RAPGEF2: variants seen among roughly 807,000 people sequenced by gnomAD.
The protein encoded by RAPGEF2 is PDZ domain containing guanine nucleotide exchange factor (GEF) 1.
A neutral mutation model predicts 186.7 loss-of-function variants in RAPGEF2; 54 were observed. The observed-to-expected ratio is 0.29, with a 90% confidence interval of 0.23 to 0.36. RAPGEF2 has a LOEUF of 0.36. RAPGEF2 is among the 10% of genes least tolerant of loss of function. The probability of loss-of-function intolerance (pLI) is 1.00; values close to 1 mark genes in which losing one functional copy is unlikely to be tolerated. For missense variants in RAPGEF2, 1,532 were observed against 2,045.0 expected, an observed-to-expected ratio of 0.75 and a Z score of 4.84; for synonymous variants, 712 against 705.9, an observed-to-expected ratio of 1.01 and a Z score of -0.14.
intron 7 of RAPGEF2, among the ~76,000 whole-genome samples, chr4:159,256,574 T>C (rs1374673448): frequency 6.6e-6 from 1 of 152,226 alleles, no homozygotes; most frequent in East Asian, 1.9e-4. Flanking sequence ...GTAATGGGAT[T>C]GCTGGGTCAA....
chr4:159,199,553 A>T (rs994217211), intron 3 of RAPGEF2, among the ~76,000 whole-genome samples: 1 of 152,152 alleles, frequency 6.6e-6, no homozygotes, highest in Non-Finnish European at 1.5e-5. Flanking sequence ...TCACTTCCTA[A>T]TAAAATGGCT....
chr4:159,280,105 A>G (rs1759488628), intron 7 of RAPGEF2, among the ~76,000 whole-genome samples: 1 of 152,014 alleles, frequency 6.6e-6, no homozygotes, highest in Non-Finnish European at 1.5e-5. Flanking sequence ...TTAGACTTGG[A>G]TTTAGAAAAT....
intron 4 of RAPGEF2, among the ~76,000 whole-genome samples, chr4:159,231,805 C>G (rs1426917530): frequency 6.6e-6 from 1 of 152,104 alleles, no homozygotes; most frequent in Admixed American, 6.6e-5. Flanking sequence ...AATCCAAAAT[C>G]AAAGCACTTC....
chr4:159,357,675 A>G (rs963104578), intron 29 of RAPGEF2, among the ~76,000 whole-genome samples: 4 of 152,224 alleles, frequency 2.6e-5, no homozygotes, highest in Non-Finnish European at 5.9e-5. Context: ...CCTGTCTCAA[A>G]AAAGTTAAAT....
chr4:159,337,528 A>AT (rs953289582), intron 17 of RAPGEF2, among the ~76,000 whole-genome samples: 14 of 151,496 alleles, frequency 9.2e-5, no homozygotes, highest in East Asian at 3.9e-4. Context: ...ACTAGAGCTT[A>AT]TTTTTTTTTA....
intron 1 of RAPGEF2, among the ~76,000 whole-genome samples, chr4:159,164,534 T>C (rs13123795): frequency 0.18 from 27,550 of 151,964 alleles, 2,539 homozygotes; most frequent in Admixed American, 0.24. Context: ...CTTTTGGTGA[T>C]TATTAGATAT....
intron 7 of RAPGEF2, among the ~76,000 whole-genome samples, chr4:159,300,609 C>T (rs1762532904): frequency 6.6e-6 from 1 of 151,664 alleles, no homozygotes; most frequent in Non-Finnish European, 1.5e-5. Flanking sequence ...CAGGTAATTA[C>T]TGTATATTTC....
chr4:159,267,819 C>A (rs1004159391), intron 7 of RAPGEF2: 5 of 895,152 alleles, frequency 5.6e-6, no homozygotes, highest in African/African-American at 2.5e-5. Context: ...CTCTCCTTTT[C>A]TTTTGCCTCT....
intron 28 of RAPGEF2, among the ~76,000 whole-genome samples, chr4:159,354,440 G>T (rs1731657288): frequency 6.6e-6 from 1 of 152,112 alleles, no homozygotes; most frequent in Admixed American, 6.5e-5. Context: ...TTGTTCTCTT[G>T]ATTGTATTTA....
chr4:159,108,394 T>C (rs1411738953), intron 1 of RAPGEF2, among the ~76,000 whole-genome samples: 11 of 150,910 alleles, frequency 7.3e-5, no homozygotes, highest in South Asian at 2.1e-4. Flanking sequence ...TTTTTTTTTT[T>C]TTTTTTTTTT....
rs1160482348 is a variant in RAPGEF2 at position 159,103,252 on chromosome 4, TTCCCCCTCC to T, written c.-907_-899del. On this transcript the variant is annotated 5_prime_UTR_variant, in exon 1 of 30. Transcript: ENST00000691494. Reference sequence around the variant, plus strand: ...AACCCGGGCTGTCCGCGGCCCCCTCTTCCCCCTCCTCCGCCCCGCGCAGACGAGGAACAA... The same window carrying T: ...AACCCGGGCTGTCCGCGGCCCCCTCTTCCGCCCCGCGCAGACGAGGAACAA... The T allele has an allele frequency of 6.6e-6, 1 of 151,820 alleles. No individual in the cohort carries two copies. Among genetic ancestry groups the T allele is most frequent in the African/African-American group, 2.4e-5 (1 of 41,400 alleles). The allele number at this position is 151,820 out of a possible 1,614,324, so 9.4% of individuals were successfully genotyped here. A position where few individuals can be genotyped will look rare whatever the true frequency, so the allele number is the denominator to read the frequency against.
intron 7 of RAPGEF2, among the ~76,000 whole-genome samples, chr4:159,282,251 G>T (rs1047595732): frequency 2.0e-5 from 3 of 152,132 alleles, no homozygotes; most frequent in Non-Finnish European, 2.9e-5. Context: ...ATGATTTTCT[G>T]TTGGACATCT....
intron 1 of RAPGEF2, 70 bp downstream of exon 1, chr4:159,104,301 C>G: frequency 1.3e-6 from 1 of 783,580 alleles, no homozygotes; most frequent in Admixed American, 2.8e-5. Flanking sequence ...CCCTGTCCCC[C>G]CACCTCCTTC....
chr4:159,166,448 T>C (rs764274947), intron 1 of RAPGEF2, among the ~76,000 whole-genome samples: 1 of 152,204 alleles, frequency 6.6e-6, no homozygotes, highest in Non-Finnish European at 1.5e-5. Context: ...ATGTACTGTT[T>C]TGCAGATAAT....
intron 1 of RAPGEF2, among the ~76,000 whole-genome samples, chr4:159,172,180 T>G (rs1745980715): frequency 6.6e-6 from 1 of 152,204 alleles, no homozygotes; most frequent in Non-Finnish European, 1.5e-5. Context: ...TTGGAACCTT[T>G]TCACTAGCCT....
At chr4:159,167,126 C>A (rs1481441039) in intron 1 of RAPGEF2, among the ~76,000 whole-genome samples, 5 of 152,152 alleles carry the variant, frequency 3.3e-5, no homozygotes, top group East Asian at 3.9e-4. Flanking sequence ...TTAAAAAAAA[C>A]CACGACTCAT....
chr4:159,320,404 A>G (rs564526857), intron 9 of RAPGEF2, among the ~76,000 whole-genome samples: 3 of 152,304 alleles, frequency 2.0e-5, no homozygotes, highest in South Asian at 4.1e-4. Flanking sequence ...CCAGAAATAA[A>G]AGTTTCATGA....
intron 7 of RAPGEF2, among the ~76,000 whole-genome samples, chr4:159,294,984 C>T (rs921572348): frequency 3.3e-5 from 5 of 152,198 alleles, no homozygotes; most frequent in African/African-American, 1.2e-4. Context: ...TGAGCCATCG[C>T]ACCTGGCCCG....
intron 10 of RAPGEF2, among the ~76,000 whole-genome samples, chr4:159,322,856 T>C (rs1157494151): frequency 6.6e-6 from 1 of 152,118 alleles, no homozygotes; most frequent in Non-Finnish European, 1.5e-5. Flanking sequence ...ACTTATTCAC[T>C]ACCAAGAGAA....
Sources: gnomAD v4.1 joint callset for allele counts (sites outside exome capture counted in the v4.1 genomes callset) on GRCh38, gnomAD v4.1.1 for gene constraint, MANE v1.5 for transcripts, NCBI Gene and HGNC (gene_info 2026-07-23, HGNC 2026-07-21) for gene names.